OSBPL9: variants seen among roughly 807,000 people sequenced by gnomAD.
The protein encoded by OSBPL9 is oxysterol-binding protein-related protein 9.
In OSBPL9, 40 loss-of-function variants were observed where a neutral mutation model predicts 106.6. The ratio of observed to expected loss-of-function variants is 0.38; its 90% CI spans 0.29 to 0.49. The LOEUF (loss-of-function observed/expected upper bound fraction) is 0.49. Among genes scored for constraint, OSBPL9 ranks in the 20% least tolerant of loss-of-function variants. The probability of loss-of-function intolerance (pLI) is 0.97; values close to 1 mark genes in which losing one functional copy is unlikely to be tolerated. For missense variants in OSBPL9, 609 were observed against 887.2 expected, an observed-to-expected ratio of 0.69 and a Z score of 3.98; for synonymous variants, 269 against 295.4, an observed-to-expected ratio of 0.91 and a Z score of 0.92.
intron 20 of OSBPL9, 22 bp from the exon 21 acceptor site, chr1:51,785,786 A>G: frequency 6.2e-7 from 1 of 1,606,754 alleles, no homozygotes; most frequent in Non-Finnish European, 8.5e-7. Flanking sequence ...AGACTAACAC[A>G]AGTATTTCCT....
the OSBPL9 span, among the ~76,000 whole-genome samples, chr1:51,527,168 A>G: frequency 6.6e-6 from 1 of 152,190 alleles, no homozygotes; most frequent in Admixed American, 6.5e-5. Context: ...AAGCTACAAC[A>G]CCATGGTCAA....
chr1:51,782,435 A>G, intron 16 of OSBPL9, 124 bp from the exon 17 acceptor site: 1 of 648,224 alleles, frequency 1.5e-6, no homozygotes, highest in Non-Finnish European at 2.5e-6. Flanking sequence ...TAAGTTCTAC[A>G]ATAGAAATAT....
intron 3 of OSBPL9, among the ~76,000 whole-genome samples, chr1:51,704,966 T>A (rs1372239192): frequency 6.6e-6 from 1 of 152,230 alleles, no homozygotes. Flanking sequence ...CTATTCTTCC[T>A]GGCTTCCCAT....
chr1:51,730,171 C>A, intron 4 of OSBPL9: 1 of 1,239,932 alleles, frequency 8.1e-7, no homozygotes. Context: ...CTTGGGAGTT[C>A]TCAGTTCCTC....
At chr1:51,647,976 G>T (rs137858193) in intron 1 of OSBPL9, among the ~76,000 whole-genome samples, 102 of 152,250 alleles carry the variant, frequency 6.7e-4, no homozygotes, top group African/African-American at 2.4e-3. Flanking sequence ...GGGTAATCCT[G>T]TTTTGTCATC....
At chr1:51,761,286 G>T (rs1320180461) in intron 10 of OSBPL9, among the ~76,000 whole-genome samples, 5 of 148,774 alleles carry the variant, frequency 3.4e-5, no homozygotes, top group African/African-American at 1.2e-4. Context: ...AGCAATACAT[G>T]CAATTTTTTA....
At chr1:51,763,781 T>G (rs985136190) in intron 11 of OSBPL9, among the ~76,000 whole-genome samples, 1 of 152,212 alleles carries the variant, frequency 6.6e-6, no homozygotes, top group Non-Finnish European at 1.5e-5. Flanking sequence ...CTTCTGTATT[T>G]CCTGAGCTGT....
At chr1:51,634,677 A>C (rs914393932) in intron 1 of OSBPL9, among the ~76,000 whole-genome samples, 13 of 152,172 alleles carry the variant, frequency 8.5e-5, no homozygotes, top group African/African-American at 2.9e-4. Context: ...GGGTTGCTGC[A>C]GTGTATGAGA....
intron 4 of OSBPL9, among the ~76,000 whole-genome samples, chr1:51,743,573 C>CTCATTTAGATGCTTTTTTTAT (rs1424877661): frequency 6.6e-6 from 1 of 152,142 alleles, no homozygotes; most frequent in East Asian, 1.9e-4. Context: ...CTTTTCCCCT[C>CTCATTTAGATGCTTTTTTTAT]TCATTTAGAT....
chr1:51,753,241 C>T (rs1249547918), intron 8 of OSBPL9, among the ~76,000 whole-genome samples: 1 of 152,128 alleles, frequency 6.6e-6, no homozygotes, highest in Non-Finnish European at 1.5e-5. Flanking sequence ...ATTATGGCCC[C>T]CAGACTGAGT....
At chr1:51,605,098 T>A (rs936171527) in intron 2 of OSBPL9, among the ~76,000 whole-genome samples, 1 of 152,218 alleles carries the variant, frequency 6.6e-6, no homozygotes, top group Non-Finnish European at 1.5e-5. Flanking sequence ...TATCTGACAT[T>A]TTATAGAAAA....
intron 2 of OSBPL9, among the ~76,000 whole-genome samples, chr1:51,652,645 T>C (rs188847003): frequency 6.6e-6 from 1 of 152,326 alleles, no homozygotes; most frequent in East Asian, 1.9e-4. Context: ...ATACTAACTA[T>C]TCAAAATCCA....
intron 4 of OSBPL9, among the ~76,000 whole-genome samples, chr1:51,731,348 A>G (rs1308322312): frequency 6.6e-6 from 1 of 152,078 alleles, no homozygotes; most frequent in South Asian, 2.1e-4. Flanking sequence ...CTGCTTGGGA[A>G]GCTGAGGCGG....
chr1:51,766,909 A>C (rs889029635), intron 12 of OSBPL9, among the ~76,000 whole-genome samples: 4 of 147,034 alleles, frequency 2.7e-5, no homozygotes, highest in Non-Finnish European at 6.0e-5. Context: ...TCTACTAAAA[A>C]TACCAAAAAA....
intron 4 of OSBPL9, among the ~76,000 whole-genome samples, chr1:51,738,762 A>G (rs575792688): frequency 6.6e-6 from 1 of 152,086 alleles, no homozygotes; most frequent in South Asian, 2.1e-4. Flanking sequence ...TTGTAGATCT[A>G]TATGAAAATT....
the OSBPL9 span, among the ~76,000 whole-genome samples, chr1:51,571,249 T>A: frequency 1.3e-5 from 2 of 152,210 alleles, no homozygotes; most frequent in Admixed American, 6.5e-5. Context: ...AATAAGTATG[T>A]GTTAAATTAC....
At chr1:51,568,047 T>TA in the OSBPL9 span, among the ~76,000 whole-genome samples, 4 of 152,184 alleles carry the variant, frequency 2.6e-5, no homozygotes, top group African/African-American at 9.7e-5. Flanking sequence ...TGTGAAAACA[T>TA]AAAGTATAGT....
At chr1:51,767,656 G>T (rs920635707) in intron 12 of OSBPL9, among the ~76,000 whole-genome samples, 1 of 152,142 alleles carries the variant, frequency 6.6e-6, no homozygotes, top group African/African-American at 2.4e-5. Flanking sequence ...TTAAGACGTG[G>T]AAGGGAGGTT....
chr1:51,605,442 A>T (rs1643939905), intron 2 of OSBPL9, among the ~76,000 whole-genome samples: 2 of 151,914 alleles, frequency 1.3e-5, no homozygotes, highest in African/African-American at 4.8e-5. Context: ...AAGAAGATAA[A>T]AAAGAAAATC....
Sources: allele counts gnomAD v4.1 joint callset (sites outside exome capture counted in the v4.1 genomes callset), GRCh38; gene constraint gnomAD v4.1.1; transcripts MANE v1.5; gene names NCBI Gene and HGNC (gene_info 2026-07-23, HGNC 2026-07-21).